Variants in ACOT11 observed in about 807,000 individuals in gnomAD.
ACOT11 encodes acyl-coenzyme A thioesterase 11.
In ACOT11, 69 loss-of-function variants were observed where a neutral mutation model predicts 77.5. That is an observed-to-expected ratio of 0.89 (90% CI 0.73 to 1.09). The LOEUF is 1.09. Ranked by LOEUF, ACOT11 falls within the 50% of genes least tolerant of loss-of-function variation. ACOT11 has a pLI of 0.00. For synonymous variants in ACOT11, 279 were observed against 313.0 expected (o/e 0.89, Z 1.15); for missense variants, 766 against 813.7 (o/e 0.94, Z 0.71).
chr1:54,569,615 C>T (rs1472720578), intron 1 of ACOT11, among the ~76,000 whole-genome samples: 1 of 152,236 alleles, frequency 6.6e-6, no homozygotes, highest in African/African-American at 2.4e-5. Flanking sequence ...CCCCCAACCC[C>T]TCACCACAGG....
At chr1:54,603,286 T>C (rs1161156615) in intron 10 of ACOT11, among the ~76,000 whole-genome samples, 1 of 152,168 alleles carries the variant, frequency 6.6e-6, no homozygotes, top group African/African-American at 2.4e-5. Context: ...GAGTTGCAGG[T>C]TGTAGCAAGC....
chr1:54,583,382 A>G (rs1288900001), intron 1 of ACOT11, among the ~76,000 whole-genome samples: 1 of 152,092 alleles, frequency 6.6e-6, no homozygotes, highest in Non-Finnish European at 1.5e-5. Context: ...TGAATTAGCT[A>G]TGGGAGGCTC....
At chr1:54,618,571 C>T (rs1569796993) in intron 15 of ACOT11, among the ~76,000 whole-genome samples, 1 of 152,004 alleles carries the variant, frequency 6.6e-6, no homozygotes, top group Non-Finnish European at 1.5e-5. Context: ...AGAGGCTGAA[C>T]CTGGGGGCTG....
chr1:54,581,975 C>A (rs569831598), intron 1 of ACOT11, among the ~76,000 whole-genome samples: 2 of 152,358 alleles, frequency 1.3e-5, no homozygotes, highest in Non-Finnish European at 2.9e-5. Flanking sequence ...ATGCCTGGGG[C>A]CACCTGCTGC....
chr1:54,580,223 C>T (rs1654255413), intron 1 of ACOT11, among the ~76,000 whole-genome samples: 1 of 152,176 alleles, frequency 6.6e-6, no homozygotes, highest in Non-Finnish European at 1.5e-5. Flanking sequence ...GGCCTGTGCA[C>T]AGCCTGTGTC....
chr1:54,572,369 G>C (rs1475924966), intron 1 of ACOT11, among the ~76,000 whole-genome samples: 1 of 152,120 alleles, frequency 6.6e-6, no homozygotes, highest in African/African-American at 2.4e-5. Context: ...CTGGCCACCT[G>C]TTGCCATGGT....
chr1:54,587,205 GAGA>G (rs1465270715), intron 3 of ACOT11, among the ~76,000 whole-genome samples: 3 of 152,120 alleles, frequency 2.0e-5, no homozygotes, highest in African/African-American at 7.2e-5. Flanking sequence ...AATTCGCAGT[GAGA>G]AGTTCTGTGC....
chr1:54,630,236 TGTG>T (rs1644292343), intron 15 of ACOT11, among the ~76,000 whole-genome samples: 1 of 81,190 alleles, frequency 1.2e-5, no homozygotes, highest in Non-Finnish European at 3.2e-5. Context: ...ACAAGCCAGG[TGTG>T]GTGGTGGCTC....
chr1:54,569,890 T>G (rs1230894913), intron 1 of ACOT11, among the ~76,000 whole-genome samples: 1 of 152,230 alleles, frequency 6.6e-6, no homozygotes, highest in Non-Finnish European at 1.5e-5. Context: ...GGACCAGGTG[T>G]CTCTTCAGGT....
exon 17 of ACOT11, chr1:54,634,813 G>A (rs1030097074): frequency 6.3e-5 from 42 of 668,994 alleles, no homozygotes; most frequent in Admixed American, 9.2e-5. Flanking sequence ...AGAGACTGAC[G>A]CTGAGGAGGA....
chr1:54,549,698 A>G (rs1028934359), intron 1 of ACOT11, among the ~76,000 whole-genome samples: 1 of 152,226 alleles, frequency 6.6e-6, no homozygotes, highest in Non-Finnish European at 1.5e-5. Context: ...TGGTATACCC[A>G]GCACGGGGAC....
At chr1:54,588,974 A>G (rs1444695669) in intron 3 of ACOT11, among the ~76,000 whole-genome samples, 1 of 152,164 alleles carries the variant, frequency 6.6e-6, no homozygotes, top group Non-Finnish European at 1.5e-5. Context: ...TGCTTTTGCC[A>G]CTTAAGAATA....
At chr1:54,626,396 T>C (rs12039865) in intron 15 of ACOT11, among the ~76,000 whole-genome samples, 19,851 of 152,224 alleles carry the variant, frequency 0.13, 1,605 homozygotes, top group East Asian at 0.23. Flanking sequence ...CTGATAAGTC[T>C]CACCTAGTCT....
intron 1 of ACOT11, among the ~76,000 whole-genome samples, chr1:54,581,973 G>A (rs1392675125): frequency 6.6e-6 from 1 of 152,230 alleles, no homozygotes; most frequent in East Asian, 1.9e-4. Context: ...CTATGCCTGG[G>A]GCCACCTGCT....
chr1:54,614,700 T>C (rs1445721854), downstream of ACOT11: 3 of 1,610,592 alleles, frequency 1.9e-6, no homozygotes, highest in East Asian at 6.7e-5. Context: ...GAACACTCAC[T>C]GTGTGGCATT....
At chr1:54,632,381 A>G (rs1040913924) in intron 16 of ACOT11, among the ~76,000 whole-genome samples, 5 of 152,376 alleles carry the variant, frequency 3.3e-5, no homozygotes, top group African/African-American at 1.2e-4. Flanking sequence ...AAAGGGTCCC[A>G]ACAGGAGTCT....
chr1:54,561,007 C>T (rs985404022), intron 1 of ACOT11, among the ~76,000 whole-genome samples: 1 of 151,918 alleles, frequency 6.6e-6, no homozygotes, highest in African/African-American at 2.4e-5. Flanking sequence ...ACAAGGCAAT[C>T]CGCCCACCTT....
chr1:54,601,396 A>T lies in ACOT11; in HGVS notation c.1012A>T (p.Ile338Phe), dbSNP rs1643961405. The T allele has an allele frequency of 6.2e-7, 1 of 1,612,796 alleles. No homozygotes were observed. Reference protein sequence around the residue: ...ADDQPQLLPWIRPQPGDGERR... With the variant: ...ADDQPQLLPWFRPQPGDGERR... ...TGACCAGCCCCAGTTGCTGCCCTGG[A>T]TTCGGCCCCAGCCCGGCGTAAGTGG... Residue 338 changes from isoleucine to phenylalanine, a missense_variant, in exon 9 of 16, where the codon ATT becomes TTT. Coordinates refer to ENST00000343744, the MANE Select transcript of ACOT11 (RefSeq NM_147161.4).
chr1:54,607,790 G>T lies in ACOT11; in HGVS notation c.1503-152G>T. The T allele has an allele frequency of 9.9e-7, 1 of 1,008,042 alleles. No homozygotes were observed. Among genetic ancestry groups the T allele is most frequent in the Non-Finnish European group, 1.4e-6 (1 of 695,400 alleles). 62.4% of individuals were successfully genotyped at this position (1,008,042 alleles called of 1,614,324 possible). A position where few individuals can be genotyped will look rare whatever the true frequency, so the allele number is the denominator to read the frequency against. On this transcript the variant is annotated intron_variant, in intron 14 of 15. Coordinates refer to ENST00000343744, the MANE Select transcript of ACOT11 (RefSeq NM_147161.4). This position sits in a 1 kb window ranked among gnomAD's most constrained non-coding sequence, Gnocchi z 4.5. Reference sequence around the variant, plus strand: ...TCCCTCCAGCCTGGCCCTGAGCCCCGCATTGGGGCTTTAAGAGTCGATGTG... The same window carrying T: ...TCCCTCCAGCCTGGCCCTGAGCCCCTCATTGGGGCTTTAAGAGTCGATGTG...
Sources: gnomAD v4.1 joint callset for allele counts (sites outside exome capture counted in the v4.1 genomes callset) on GRCh38, gnomAD v4.1.1 for gene constraint, Gnocchi (gnomAD v3.1) non-coding constraint, MANE v1.5 for transcripts, NCBI Gene and HGNC (gene_info 2026-07-23, HGNC 2026-07-21) for gene names.